The following COL21A1 variants were observed in gnomAD, a reference collection of about 807,000 sequenced individuals.
COL21A1 encodes collagen type XXI alpha 1 chain, also known as collagen alpha-1(XXI) chain.
Under a neutral mutation model 137.9 loss-of-function variants are expected in COL21A1, and 149 were observed. That is an observed-to-expected ratio of 1.08 (90% CI 0.95 to 1.24). COL21A1 has a LOEUF of 1.24. Ranked by LOEUF, COL21A1 falls within the 50% of genes most tolerant of loss-of-function variation. The probability of loss-of-function intolerance (pLI) is 0.00; values close to 1 mark genes in which losing one functional copy is unlikely to be tolerated. For missense variants in COL21A1, 1,167 were observed against 1,158.4 expected (o/e 1.01, Z -0.11); for synonymous variants, 456 against 391.5 (o/e 1.16, Z -1.95).
In COL21A1 at chr6:56,115,900, G is replaced by C. The variant is rs1771877555; in HGVS notation, c.1758+8162C>G. 2.0e-5 allele frequency among the ~76,000 whole-genome samples: 3 copies of C among 152,152 alleles called. No homozygotes were observed. The South Asian group carries it at 6.2e-4, about 32-fold the overall frequency. Reference sequence around the variant, plus strand: ...AATTAGCATACTGAACAATGTATCAGAGTCCTTTAATAGCAGAATGAATCA... The same window carrying C: ...AATTAGCATACTGAACAATGTATCACAGTCCTTTAATAGCAGAATGAATCA... On this transcript the variant is annotated intron_variant, in intron 16 of 29. Coordinates refer to ENST00000244728, the MANE Select transcript of COL21A1 (RefSeq NM_030820.4).
chr6:56,389,169 C>T (rs189492462), intron 1 of COL21A1, among the ~76,000 whole-genome samples: 17 of 152,158 alleles, frequency 1.1e-4, no homozygotes, highest in Admixed American at 5.2e-4. Flanking sequence ...TGAGACCAGC[C>T]TGACCAATAT....
At chr6:56,116,449 C>T (rs1771942362) in intron 16 of COL21A1, among the ~76,000 whole-genome samples, 1 of 123,806 alleles carries the variant, frequency 8.1e-6, no homozygotes. Flanking sequence ...AGTATATCCA[C>T]AAAAATATCC....
Position 56,056,702 on chromosome 6 carries a change from A to C in COL21A1, c.*955T>G, listed in dbSNP as rs979801046. 6 of 152,220 alleles carry C rather than the reference A, an allele frequency of 3.9e-5. No individual in the cohort carries two copies. The highest frequency in any genetic ancestry group is 7.3e-5 in the Non-Finnish European group (5 of 68,030). 9.4% of individuals were successfully genotyped at this position (152,220 alleles called of 1,614,324 possible). On this transcript the variant is annotated 3_prime_UTR_variant, in exon 30 of 30. Coordinates refer to ENST00000244728, the MANE Select transcript of COL21A1 (RefSeq NM_030820.4). Reference sequence around the variant, plus strand: ...TGTTTCTTACAAAAGCATTAAGCACAATACACAAAGACTGTTCATAATATT... The same window carrying C: ...TGTTTCTTACAAAAGCATTAAGCACCATACACAAAGACTGTTCATAATATT...
intron 16 of COL21A1, among the ~76,000 whole-genome samples, 177 bp from the exon 17 acceptor site, chr6:56,101,702 TAAA>T (rs1376897585): frequency 6.6e-6 from 1 of 152,174 alleles, no homozygotes; most frequent in Non-Finnish European, 1.5e-5. Context: ...CAGAAATTCA[TAAA>T]GTGACTATAT....
At chr6:56,086,538 T>C (rs998146744) in intron 17 of COL21A1, among the ~76,000 whole-genome samples, 1 of 152,236 alleles carries the variant, frequency 6.6e-6, no homozygotes, top group Middle Eastern at 3.4e-3. Flanking sequence ...ATTCATTAAG[T>C]GGAAGTGGAT....
At chr6:56,326,150 T>C (rs1765085716) in intron 1 of COL21A1, among the ~76,000 whole-genome samples, 1 of 128,674 alleles carries the variant, frequency 7.8e-6, no homozygotes, top group Non-Finnish European at 1.7e-5. Context: ...TTTAATATCA[T>C]ATTTGATTAG....
intron 1 of COL21A1, among the ~76,000 whole-genome samples, chr6:56,284,869 A>T (rs1763868215): frequency 6.6e-6 from 1 of 152,178 alleles, no homozygotes; most frequent in Non-Finnish European, 1.5e-5. Flanking sequence ...TCCTGGGTCC[A>T]TGGACATGGT....
Position 56,101,472 on chromosome 6 carries a change from A to T in COL21A1, c.1812T>A (p.Pro604=). The T allele has an allele frequency of 6.3e-7, 1 of 1,591,124 alleles. No individual in the cohort carries two copies. Among genetic ancestry groups the T allele is most frequent in the Non-Finnish European group, 8.6e-7 (1 of 1,166,356 alleles). ...APGQDGTRGE[P]GIPGFPGNRG... is the part of the protein sequence containing the mutation. ...AGAACTGAAATGAGAAGGTACTCAC[A>T]GGCTCTCCCCGTGTTCCATCCTGCC... The change falls in exon 17 of 30, where the codon CCT becomes CCA. Residue 604 remains proline, a splice_region_variant and synonymous_variant. Coordinates refer to ENST00000244728, the MANE Select transcript of COL21A1 (RefSeq NM_030820.4).
chr6:56,082,533 A>T (rs566520872), intron 17 of COL21A1, among the ~76,000 whole-genome samples: 1 of 152,036 alleles, frequency 6.6e-6, no homozygotes, highest in Non-Finnish European at 1.5e-5. Flanking sequence ...TCAATTTCTC[A>T]TTAAGAAGAA....
chr6:56,060,466 C>A, intron 27 of COL21A1: 1 of 498,758 alleles, frequency 2.0e-6, no homozygotes, highest in Non-Finnish European at 3.4e-6. Context: ...AATTGGTGGA[C>A]TATATTCATA....
chr6:56,155,092 C>T (rs1775641277), intron 10 of COL21A1, among the ~76,000 whole-genome samples: 1 of 152,098 alleles, frequency 6.6e-6, no homozygotes, highest in Non-Finnish European at 1.5e-5. Flanking sequence ...CCAATAAGCT[C>T]CAGTGTGTGT....
At chr6:56,157,248 G>A (rs1003077677) in intron 9 of COL21A1, among the ~76,000 whole-genome samples, 10 of 150,638 alleles carry the variant, frequency 6.6e-5, no homozygotes, top group South Asian at 2.1e-4. Flanking sequence ...AATTCTGAAC[G>A]AACTGTAAAG....
chr6:56,197,935 G>T (rs76222979), intron 1 of COL21A1, among the ~76,000 whole-genome samples: 2,397 of 152,102 alleles, frequency 0.016, 36 homozygotes, highest in Non-Finnish European at 0.023. Context: ...TACAGTAGCC[G>T]AGATATGGAA....
At position 56,164,304 on chromosome 6, in the gene COL21A1, A is replaced by G. The variant is rs1582528812; in HGVS notation, c.1371+119T>C. ...AAAATGACTAAAACTGAGGTTTTAA[A>G]CTCTATAAGAAATCAGATAGAAATT... On this transcript the variant is annotated intron_variant, in intron 9 of 29. Transcript: ENST00000244728. 6 of 711,490 alleles carry G rather than the reference A, an allele frequency of 8.4e-6. No homozygotes were observed. In the South Asian group the frequency reaches 1.2e-4, roughly 14 times the overall value. 44.1% of individuals were successfully genotyped at this position (711,490 alleles called of 1,614,324 possible). A position where few individuals can be genotyped will look rare whatever the true frequency, so the allele number is the denominator to read the frequency against.
In COL21A1 at chr6:56,130,200, TATATATATATAA is replaced by T. The variant is rs1160753416; in HGVS notation, c.1543-4063_1543-4052del. 5.8e-4 allele frequency among the ~76,000 whole-genome samples: 12 copies of T among 20,776 alleles called. No homozygotes were observed. In the South Asian group the frequency reaches 9.1e-3, roughly 16 times the overall value. 13.6% of individuals were successfully genotyped at this position (20,776 alleles called of 152,430 possible). A position where few individuals can be genotyped will look rare whatever the true frequency, so the allele number is the denominator to read the frequency against. ...ATATATATATATATATATATATATA[TATATATATATAA>T]AATTTCAAATTACATATTTATAATT... On this transcript the variant is annotated intron_variant, in intron 12 of 29. Transcript: ENST00000244728.
At chr6:56,110,139 C>T (rs1005927796) in intron 16 of COL21A1, among the ~76,000 whole-genome samples, 3 of 151,688 alleles carry the variant, frequency 2.0e-5, no homozygotes, top group African/African-American at 7.3e-5. Context: ...TATAAGATAA[C>T]CAATTGTGGT....
intron 1 of COL21A1, among the ~76,000 whole-genome samples, chr6:56,385,902 C>CT (rs771807619): frequency 0.029 from 4,081 of 143,040 alleles, 173 homozygotes; most frequent in African/African-American, 0.094. Context: ...TACTTCATTC[C>CT]TTTTTTTTTT....
chr6:56,382,824 C>T (rs1273656154), intron 1 of COL21A1, among the ~76,000 whole-genome samples: 1 of 152,268 alleles, frequency 6.6e-6, no homozygotes, highest in Non-Finnish European at 1.5e-5. Context: ...ACCACCCATC[C>T]TATGGTATTT....
At chr6:56,313,580 C>G (rs958899770) in intron 1 of COL21A1, among the ~76,000 whole-genome samples, 1 of 152,132 alleles carries the variant, frequency 6.6e-6, no homozygotes, top group Non-Finnish European at 1.5e-5. Context: ...TATAAGGCCG[C>G]AGTGTTATCA....
Sources: gnomAD v4.1 joint callset for allele counts (sites outside exome capture counted in the v4.1 genomes callset) on GRCh38, gnomAD v4.1.1 for gene constraint, MANE v1.5 for transcripts, NCBI Gene and HGNC (gene_info 2026-07-23, HGNC 2026-07-21) for gene names.